DNMBP: variants seen among roughly 807,000 people sequenced by gnomAD.
DNMBP encodes the protein dynamin binding protein.
A neutral mutation model predicts 150.0 loss-of-function variants in DNMBP; 87 were observed. That is an observed-to-expected ratio of 0.58 (90% CI 0.49 to 0.69). The LOEUF is 0.69. Among genes scored for constraint, DNMBP ranks in the 30% least tolerant of loss-of-function variants. DNMBP has a pLI of 0.00. For missense variants in DNMBP, 1,774 were observed against 1,949.0 expected (o/e 0.91, Z 1.69); for synonymous variants, 711 against 750.4 (o/e 0.95, Z 0.86).
intron 14 of DNMBP, among the ~76,000 whole-genome samples, chr10:99,885,216 C>A (rs944274805): frequency 6.6e-6 from 1 of 151,870 alleles, no homozygotes; most frequent in Non-Finnish European, 1.5e-5. Context: ...ATCCCCTCCC[C>A]CCCACAAAAA....
intron 5 of DNMBP, 73 bp from the exon 6 acceptor site, chr10:99,908,167 C>T (rs2039850227): frequency 2.5e-5 from 27 of 1,097,986 alleles, no homozygotes; most frequent in Non-Finnish European, 3.4e-5. Context: ...TTAGGAACAG[C>T]TCTTCAAGAA....
Position 99,894,935 on chromosome 10 carries a change from T to C in DNMBP, c.3156+11A>G, listed in dbSNP as rs573159748. 2 of 1,589,538 alleles carry C rather than the reference T, an allele frequency of 1.3e-6. No homozygotes were observed. The highest frequency in any genetic ancestry group is 1.7e-5 in the Admixed American group (1 of 59,902). On this transcript the variant is annotated intron_variant, in intron 11 of 16. Coordinates refer to ENST00000324109, the MANE Select transcript of DNMBP (RefSeq NM_015221.4). The stretch of plus-strand genomic sequence containing the variant: ...GTATGTTAATCTAACTACAGTGATG[T>C]TGATGCTCACCCGGATGTGCTGGAG...
chr10:99,980,274 A>G (rs1237326655), intron 1 of DNMBP, among the ~76,000 whole-genome samples: 1 of 152,008 alleles, frequency 6.6e-6, no homozygotes, highest in Admixed American at 6.6e-5. Context: ...GCGAAACCCT[A>G]TCTCTACTAA....
intron 2 of DNMBP, 107 bp downstream of exon 2, chr10:99,971,873 T>A: frequency 5.3e-6 from 5 of 939,058 alleles, no homozygotes; most frequent in Admixed American, 2.6e-5. Flanking sequence ...TTTTTTTTTT[T>A]AAGACAGGGT....
At position 99,973,080 on chromosome 10, in the gene DNMBP, C is replaced by CATTTATTTATTT. The variant is rs35399198; in HGVS notation, c.-10-958_-10-947dup. 3.3e-3 allele frequency among the ~76,000 whole-genome samples: 487 copies of CATTTATTTATTT among 149,690 alleles called. 3 individuals are homozygous for CATTTATTTATTT. Among genetic ancestry groups the CATTTATTTATTT allele is most frequent in the Middle Eastern group, 0.027 (8 of 294 alleles). On this transcript the variant is annotated intron_variant, in intron 1 of 16. Transcript: ENST00000324109. ...TACAGGCGTGAGCCACTGCCTGCGG[C>CATTTATTTATTT]ATTTATTTATTTATTTATTTATTTA... is the stretch of plus-strand genomic sequence containing the variant.
chr10:99,985,738 G>C (rs1431382573), intron 1 of DNMBP, among the ~76,000 whole-genome samples: 2 of 152,238 alleles, frequency 1.3e-5, no homozygotes, highest in South Asian at 4.1e-4. Context: ...CAACACGAAG[G>C]CTAAATGAAT....
rs140839578 is a variant in DNMBP at position 99,967,668 on chromosome 10, G to GGTGTGTGTGT, written c.268+1437_268+1446dup. Among the ~76,000 whole-genome samples, 22 of 145,642 alleles carry GGTGTGTGTGT rather than the reference G, an allele frequency of 1.5e-4. No homozygotes were observed. In the East Asian group the frequency reaches 1.8e-3, roughly 12 times the overall value. On this transcript the variant is annotated intron_variant, in intron 3 of 16. Coordinates refer to ENST00000324109, the MANE Select transcript of DNMBP (RefSeq NM_015221.4). ...TAGAGAAGTTTGATAGGTTTTTCTG[G>GGTGTGTGTGT]GTGTGTGTGTGTGTGTGTGTGTGTG... is the stretch of plus-strand genomic sequence containing the variant.
rs1009887121 is a variant in DNMBP, at chr10:99,902,882, C to T, written c.2555-2816G>A. Reference sequence around the variant, plus strand: ...GGCAGAGGTTGTAGTGAGCAGAGGTCGTGCCACTGCACTCCAGCCTGGGCA... The same window carrying T: ...GGCAGAGGTTGTAGTGAGCAGAGGTTGTGCCACTGCACTCCAGCCTGGGCA... On this transcript the variant is annotated intron_variant, in intron 6 of 16. Transcript: ENST00000324109. Among the ~76,000 whole-genome samples, 3 of 150,588 alleles carry T rather than the reference C, an allele frequency of 2.0e-5. No individual in the cohort carries two copies. The Admixed American group carries it at 2.0e-4, about 10-fold the overall frequency.
chr10:99,975,763 C>T (rs147522795), intron 1 of DNMBP, among the ~76,000 whole-genome samples: 3 of 152,298 alleles, frequency 2.0e-5, no homozygotes, highest in Non-Finnish European at 4.4e-5. Context: ...TATTTATTAG[C>T]GATTTCACCT....
chr10:99,878,644 A>G (rs2039312154), intron 16 of DNMBP, among the ~76,000 whole-genome samples: 1 of 152,198 alleles, frequency 6.6e-6, no homozygotes, highest in African/African-American at 2.4e-5. Flanking sequence ...TGGCAGAGGC[A>G]GCACCTCTAC....
At chr10:99,965,033 C>T (rs1031148659) in intron 3 of DNMBP, among the ~76,000 whole-genome samples, 1 of 152,062 alleles carries the variant, frequency 6.6e-6, no homozygotes, top group African/African-American at 2.4e-5. Context: ...AGAACAGACA[C>T]ACAAAACTTC....
At chr10:99,970,983 A>AAAAAAAAAAAAAAAAAT (rs2040669239) in intron 2 of DNMBP, among the ~76,000 whole-genome samples, 4 of 147,356 alleles carry the variant, frequency 2.7e-5, no homozygotes, top group African/African-American at 1.0e-4. Flanking sequence ...AAAAAAAAAA[A>AAAAAAAAAAAAAAAAAT]AAAAAAAAAA....
Position 99,956,228 on chromosome 10 carries a change from G to A in DNMBP, c.1246C>T (p.Pro416Ser), listed in dbSNP as rs1310914007. 6.2e-7 allele frequency: 1 copy of A among 1,613,940 alleles called. No homozygotes were observed. Among genetic ancestry groups the A allele is most frequent in the Non-Finnish European group, 8.5e-7 (1 of 1,180,016 alleles). ...AAGTTGGGATGAAAAGGGACCTGAG[G>A]TTGGGAGGAAATACCATTGACTACT... ...TEVVNGISSQPQVPFHPNLQK... is the reference protein window; with the variant it reads ...TEVVNGISSQSQVPFHPNLQK... Residue 416 changes from proline (P) to serine (S), a missense_variant, in exon 4 of 17, where the codon CCT becomes TCT. By Grantham distance (74) the Pro-to-Ser change is moderately conservative. Coordinates refer to ENST00000324109, the MANE Select transcript of DNMBP (RefSeq NM_015221.4).
intron 4 of DNMBP, among the ~76,000 whole-genome samples, chr10:99,942,182 G>A (rs1296738465): frequency 6.6e-6 from 1 of 152,052 alleles, no homozygotes; most frequent in Non-Finnish European, 1.5e-5. Context: ...GGTTTGGCTG[G>A]CCCCCAACAA....
chr10:99,912,971 T>C (rs967598278), intron 4 of DNMBP, among the ~76,000 whole-genome samples: 1 of 152,214 alleles, frequency 6.6e-6, no homozygotes, highest in African/African-American at 2.4e-5. Context: ...TTATGCCACA[T>C]ATATTCTAAT....
chr10:99,971,027 G>A (rs1404994041), intron 2 of DNMBP, among the ~76,000 whole-genome samples: 1 of 141,632 alleles, frequency 7.1e-6, no homozygotes, highest in Admixed American at 7.2e-5. Flanking sequence ...ACAGGGTTAT[G>A]AAGAAAGGAA....
At chr10:100,007,725 T>C (rs1466686409) in intron 1 of DNMBP, among the ~76,000 whole-genome samples, 3 of 152,246 alleles carry the variant, frequency 2.0e-5, no homozygotes, top group African/African-American at 7.2e-5. Context: ...GTTAACATCT[T>C]GGTTTAACGG....
At chr10:99,966,187 A>C (rs1384462857) in intron 3 of DNMBP, among the ~76,000 whole-genome samples, 3 of 152,198 alleles carry the variant, frequency 2.0e-5, no homozygotes. Flanking sequence ...TAAAAAAAAA[A>C]CGTGAAAGGC....
rs71009800 is a variant in DNMBP at position 100,001,233 on chromosome 10, T to TAAAAAAAAAAAAA, written c.-11+8592_-11+8604dup. 9.2e-5 allele frequency among the ~76,000 whole-genome samples: 2 copies of TAAAAAAAAAAAAA among 21,732 alleles called. 1 individual carries two copies. 14.3% of individuals were successfully genotyped at this position (21,732 alleles called of 152,430 possible). A position where few individuals can be genotyped will look rare whatever the true frequency, so the allele number is the denominator to read the frequency against. ...AGGACAGAGCAAGACTCCGTCTCAT[T>TAAAAAAAAAAAAA]AAAAAAAAAAAAAAAAAAAAAAAAA... On this transcript the variant is annotated intron_variant, in intron 1 of 16. Transcript: ENST00000324109.
Sources: gnomAD v4.1 joint callset for allele counts (sites outside exome capture counted in the v4.1 genomes callset) on GRCh38, gnomAD v4.1.1 for gene constraint, MANE v1.5 for transcripts, NCBI Gene and HGNC (gene_info 2026-07-23, HGNC 2026-07-21) for gene names.